CRPPA: variants seen among roughly 807,000 people sequenced by gnomAD.
CRPPA encodes the protein CDP-L-ribitol pyrophosphorylase A, also known as D-ribitol-5-phosphate cytidylyltransferase.
In CRPPA, 43 loss-of-function variants were observed where a neutral mutation model predicts 52.0. The observed-to-expected ratio is 0.83, with a 90% CI of 0.65 to 1.07. The LOEUF is 1.07. Ranked by LOEUF, CRPPA falls within the 50% of genes least tolerant of loss-of-function variation. The pLI is 0.00. For synonymous variants in CRPPA, 250 were observed against 203.5 expected (o/e 1.23, Z -1.94); for missense variants, 629 against 551.7 (o/e 1.14, Z -1.40).
At chr7:16,230,760 C>T (rs566442651) in intron 8 of CRPPA, among the ~76,000 whole-genome samples, 2 of 152,226 alleles carry the variant, frequency 1.3e-5, no homozygotes, top group South Asian at 4.2e-4. Flanking sequence ...GATACTTATC[C>T]AAGTCTTCAC....
rs886043226 is a variant in CRPPA at position 16,376,136 on chromosome 7, G to T, written c.640C>A (p.Pro214Thr). ...ERARHRASEMPQAFLFDVIYE... is the reference protein window; with the variant it reads ...ERARHRASEMTQAFLFDVIYE... Reference sequence around the variant, plus strand: ...ATCACATCAAATAGAAAAGCTTGGGGCATTTCACTTGCTCTGTGTCTGGCA... The same window carrying T: ...ATCACATCAAATAGAAAAGCTTGGGTCATTTCACTTGCTCTGTGTCTGGCA... The change falls in exon 3 of 10, where the codon CCC (proline) becomes ACC (threonine). Residue 214 changes from proline (P) to threonine (T), a missense_variant. By Grantham distance (38) the Pro-to-Thr change is conservative (BLOSUM62 -1). Transcript: ENST00000407010. 4.3e-6 allele frequency: 7 copies of T among 1,611,604 alleles called. No homozygotes were observed. The African/African-American group carries it at 9.4e-5, about 22-fold the overall frequency.
chr7:16,375,358 T>G (rs1325774380), intron 3 of CRPPA, among the ~76,000 whole-genome samples: 5 of 152,206 alleles, frequency 3.3e-5, no homozygotes, highest in Non-Finnish European at 7.3e-5. Context: ...TATCTGATAT[T>G]CAATAACTAT....
intron 9 of CRPPA, among the ~76,000 whole-genome samples, chr7:16,157,044 T>C (rs1360375775): frequency 6.6e-6 from 1 of 152,192 alleles, no homozygotes; most frequent in African/African-American, 2.4e-5. Flanking sequence ...CCCAATCTAA[T>C]GGCCTGAAGA....
chr7:16,123,021 A>G (rs1012440921), intron 9 of CRPPA, among the ~76,000 whole-genome samples: 1 of 152,072 alleles, frequency 6.6e-6, no homozygotes, highest in African/African-American at 2.4e-5. Flanking sequence ...AGAATAGTAA[A>G]AAGTGTCTTA....
At chr7:16,351,585 C>A (rs4568517) in intron 3 of CRPPA, among the ~76,000 whole-genome samples, 1 of 151,800 alleles carries the variant, frequency 6.6e-6, no homozygotes. Flanking sequence ...AAACAAACAA[C>A]CCCATCAAAC....
At chr7:16,353,574 G>T (rs752654395) in intron 3 of CRPPA, among the ~76,000 whole-genome samples, 2 of 152,164 alleles carry the variant, frequency 1.3e-5, no homozygotes, top group Non-Finnish European at 2.9e-5. Context: ...TGTTGGCAGG[G>T]TGTGGTGGCT....
chr7:16,333,497 T>C (rs1360667894), intron 3 of CRPPA, among the ~76,000 whole-genome samples: 2 of 152,168 alleles, frequency 1.3e-5, no homozygotes, highest in Non-Finnish European at 2.9e-5. Flanking sequence ...ATTTTTGAAA[T>C]TAATGAAAAT....
In CRPPA at chr7:16,421,372, C is replaced by T; in HGVS notation, c.-50G>A. The T allele has an allele frequency of 1.6e-6, 2 of 1,218,998 alleles. No homozygotes were observed. Among genetic ancestry groups the T allele is most frequent in the Non-Finnish European group, 2.0e-6 (2 of 979,424 alleles). 75.5% of individuals were successfully genotyped at this position (1,218,998 alleles called of 1,614,324 possible). On this transcript the variant is annotated 5_prime_UTR_variant, in exon 1 of 10. Coordinates refer to ENST00000407010, the MANE Select transcript of CRPPA (RefSeq NM_001101426.4). ...CGCTAGCCTCGGGCCGATGCGACCCCGCGCTGCTCCCACCCTCGGCCGGGG... is the reference window on the plus strand; with the variant it reads ...CGCTAGCCTCGGGCCGATGCGACCCTGCGCTGCTCCCACCCTCGGCCGGGG...
intron 1 of CRPPA, among the ~76,000 whole-genome samples, chr7:16,418,569 A>G (rs1788249336): frequency 6.6e-6 from 1 of 152,128 alleles, no homozygotes; most frequent in Admixed American, 6.5e-5. Context: ...AAGGGAAAGG[A>G]AGGTGCCTTC....
intron 2 of CRPPA, among the ~76,000 whole-genome samples, chr7:16,398,650 G>A (rs1787690067): frequency 6.6e-6 from 1 of 152,056 alleles, no homozygotes; most frequent in Non-Finnish European, 1.5e-5. Flanking sequence ...AAACATCACT[G>A]AAACATGGAC....
At chr7:16,245,043 C>T (rs1011928331) in intron 8 of CRPPA, among the ~76,000 whole-genome samples, 3 of 146,120 alleles carry the variant, frequency 2.1e-5, no homozygotes, top group African/African-American at 7.5e-5. Flanking sequence ...AAAAGTCTTA[C>T]ATTTAAAAAA....
intron 1 of CRPPA, among the ~76,000 whole-genome samples, chr7:16,409,522 G>C (rs1435395625): frequency 6.6e-6 from 1 of 152,292 alleles, no homozygotes; most frequent in East Asian, 1.9e-4. Context: ...TGGGTACCAG[G>C]TGGAGCTTGT....
At chr7:16,129,669 A>G (rs905314401) in intron 9 of CRPPA, among the ~76,000 whole-genome samples, 1 of 152,152 alleles carries the variant, frequency 6.6e-6, no homozygotes, top group African/African-American at 2.4e-5. Flanking sequence ...ATTGTCAAGG[A>G]GAGGGGAGCT....
At chr7:16,399,124 G>C (rs1455018790) in intron 2 of CRPPA, among the ~76,000 whole-genome samples, 2 of 152,158 alleles carry the variant, frequency 1.3e-5, no homozygotes, top group Admixed American at 6.5e-5. Flanking sequence ...GTCAGCACGT[G>C]ACATTTCACC....
rs1170330973 is a variant in CRPPA, at chr7:16,132,423, T to C, written c.1252-40624A>G. ...AGATACATAATGAAGAAAGCATATA[T>C]AGAATTCTCTCGTTGAAAGAGAATA... is the stretch of plus-strand genomic sequence containing the variant. On this transcript the variant is annotated intron_variant, in intron 9 of 9. Transcript: ENST00000407010. Among the ~76,000 whole-genome samples the C allele has an allele frequency of 4.8e-5, 6 of 124,758 alleles. 2 individuals are homozygous for C. The highest frequency in any genetic ancestry group is 6.8e-4 in the East Asian group (2 of 2,924). 81.8% of individuals were successfully genotyped at this position (124,758 alleles called of 152,430 possible). A position where few individuals can be genotyped will look rare whatever the true frequency, so the allele number is the denominator to read the frequency against.
At chr7:16,286,063 ATATATAT>A (rs1784432828) in intron 5 of CRPPA, among the ~76,000 whole-genome samples, 8 of 38,426 alleles carry the variant, frequency 2.1e-4, no homozygotes, top group African/African-American at 6.2e-4. Context: ...ATATATATAT[ATATATAT>A]ATATATATAT....
At chr7:16,157,427 T>G (rs1783207038) in intron 9 of CRPPA, among the ~76,000 whole-genome samples, 1 of 152,204 alleles carries the variant, frequency 6.6e-6, no homozygotes, top group Admixed American at 6.5e-5. Context: ...AACGAAATAT[T>G]AAATTTCTAA....
intron 5 of CRPPA, among the ~76,000 whole-genome samples, chr7:16,285,934 C>T (rs773414348): frequency 2.1e-4 from 29 of 136,676 alleles, no homozygotes; most frequent in Middle Eastern, 3.7e-3. Flanking sequence ...GCAGGAGAAT[C>T]GCTTGAACCT....
chr7:16,273,683 G>A (rs1019803115), intron 6 of CRPPA, among the ~76,000 whole-genome samples: 2 of 152,100 alleles, frequency 1.3e-5, no homozygotes, highest in Non-Finnish European at 2.9e-5. Context: ...CAAGAGGGCT[G>A]GTGCAAAAGG....
Sources: allele counts gnomAD v4.1 joint callset (sites outside exome capture counted in the v4.1 genomes callset), GRCh38; gene constraint gnomAD v4.1.1; transcripts MANE v1.5; gene names NCBI Gene and HGNC (gene_info 2026-07-23, HGNC 2026-07-21).